ZBTB25: variants seen among roughly 807,000 people sequenced by gnomAD.
ZBTB25 encodes the protein zinc finger and BTB domain-containing protein 25.
ZBTB25 carries 20 observed loss-of-function variants against 34.2 expected under a neutral mutation model. The ratio of observed to expected loss-of-function variants is 0.58; its 90% confidence interval spans 0.41 to 0.85. The LOEUF (loss-of-function observed/expected upper bound fraction) is 0.85. ZBTB25 is among the 40% of genes least tolerant of loss of function. The probability of loss-of-function intolerance (pLI) is 0.00; values close to 1 mark genes in which losing one functional copy is unlikely to be tolerated. For missense variants in ZBTB25, 437 were observed against 521.8 expected (o/e 0.84, Z 1.58); for synonymous variants, 175 against 186.4 (o/e 0.94, Z 0.50).
At chr14:64,458,074 G>A in intron 2 of ZBTB25, 2 of 753,990 alleles carry the variant, frequency 2.7e-6, no homozygotes, top group Non-Finnish European at 2.4e-6. Flanking sequence ...ATTTCCTGTA[G>A]AGATGGGGGT....
chr14:64,504,825 G>A (rs1052907668), upstream of ZBTB25: 1 of 391,240 alleles, frequency 2.6e-6, no homozygotes, highest in Non-Finnish European at 4.5e-6. Flanking sequence ...CAGCCCGAGC[G>A]CCGAGCGCCG....
rs2078741968 is a variant in ZBTB25, at chr14:64,478,575, G to C, written c.*8348C>G. The C allele has an allele frequency of 6.6e-6, 1 of 152,160 alleles. No homozygotes were observed. The highest frequency in any genetic ancestry group is 1.5e-5 in the Non-Finnish European group (1 of 68,030). 9.4% of individuals were successfully genotyped at this position (152,160 alleles called of 1,614,324 possible). A position where few individuals can be genotyped will look rare whatever the true frequency, so the allele number is the denominator to read the frequency against. On this transcript the variant is annotated 3_prime_UTR_variant, in exon 3 of 3. Coordinates refer to ENST00000608382, the MANE Select transcript of ZBTB25 (RefSeq NM_006977.5). ...CTGATTAAAAGAGCCCAAATTCCAA[G>C]GCCTCACAGTTAATGGCTTGGAAAA...
intron 2 of ZBTB25, chr14:64,472,876 T>C (rs2078689163): frequency 6.0e-6 from 1 of 167,068 alleles, no homozygotes; most frequent in African/African-American, 2.4e-5. Context: ...TTTAACAACA[T>C]TAAAATAATT....
chr14:64,489,540 CTTTTTT>C (rs372078564), intron 2 of ZBTB25, among the ~76,000 whole-genome samples: 6 of 142,532 alleles, frequency 4.2e-5, no homozygotes, highest in African/African-American at 1.5e-4. Context: ...TTTCCTTTTT[CTTTTTT>C]TTTTTTTGAG....
At chr14:64,502,763 A>C in intron 1 of ZBTB25, 1 of 971,414 alleles carries the variant, frequency 1.0e-6, no homozygotes, top group Non-Finnish European at 1.2e-6. Flanking sequence ...CTTAGCTATC[A>C]AGAGGTGTAG....
At chr14:64,457,374 A>C (rs560050955) in intron 2 of ZBTB25, among the ~76,000 whole-genome samples, 3 of 152,234 alleles carry the variant, frequency 2.0e-5, no homozygotes, top group Admixed American at 2.0e-4. Flanking sequence ...ACCTCCTGCT[A>C]CTGCTTGTGA....
At chr14:64,502,217 A>G (rs543265046) in intron 1 of ZBTB25, among the ~76,000 whole-genome samples, 1 of 152,332 alleles carries the variant, frequency 6.6e-6, no homozygotes, top group African/African-American at 2.4e-5. Context: ...CTACATGCAA[A>G]TAAGACATTC....
At chr14:64,498,926 G>T (rs971397453) in intron 1 of ZBTB25, among the ~76,000 whole-genome samples, 1 of 152,066 alleles carries the variant, frequency 6.6e-6, no homozygotes, top group Non-Finnish European at 1.5e-5. Context: ...GAGCCACCGC[G>T]CCCAGCCCAG....
In ZBTB25 at chr14:64,500,307, G is replaced by A. The variant is rs891746937; in HGVS notation, c.-8+3354C>T. 2.0e-5 allele frequency among the ~76,000 whole-genome samples: 3 copies of A among 151,624 alleles called. No homozygotes were observed. In the East Asian group the frequency reaches 5.8e-4, roughly 29 times the overall value. On this transcript the variant is annotated intron_variant, in intron 1 of 2. Coordinates refer to ENST00000608382, the MANE Select transcript of ZBTB25 (RefSeq NM_006977.5). Reference sequence around the variant, plus strand: ...CTCCCATGAACACACTACTCAAGTGGGCTAATAAAAACCTTTGCTTAAAGT... The same window carrying A: ...CTCCCATGAACACACTACTCAAGTGAGCTAATAAAAACCTTTGCTTAAAGT...
chr14:64,492,046 A>C (rs2079098196), intron 1 of ZBTB25, among the ~76,000 whole-genome samples: 1 of 146,708 alleles, frequency 6.8e-6, no homozygotes, highest in Admixed American at 7.0e-5. Context: ...TTAGCCAGGA[A>C]GATTGAGGCT....
chr14:64,454,741 A>G lies in ZBTB25; in HGVS notation c.174-5103T>C, dbSNP rs746400551. 45 of 1,613,808 alleles carry G rather than the reference A, an allele frequency of 2.8e-5. No individual in the cohort carries two copies. Among genetic ancestry groups the G allele is most frequent in the Non-Finnish European group, 3.2e-5 (38 of 1,179,838 alleles). ...TCCCCAGGGCTTTGGGAATCTCCCC[A>G]TCTGCATGGCTAAAACACACTTGTC... is the stretch of plus-strand genomic sequence containing the variant. On this transcript the variant is annotated intron_variant, in intron 2 of 2. Transcript: ENST00000555220.
At chr14:64,474,759 C>T (rs1270046741), downstream of ZBTB25, among the ~76,000 whole-genome samples, 1 of 152,216 alleles carries the variant, frequency 6.6e-6, no homozygotes, top group Non-Finnish European at 1.5e-5. Flanking sequence ...TTGACAAAAG[C>T]ACACTGTTTT....
downstream of ZBTB25, among the ~76,000 whole-genome samples, chr14:64,475,256 G>A (rs1161538760): frequency 6.6e-6 from 1 of 152,062 alleles, no homozygotes; most frequent in Non-Finnish European, 1.5e-5. Context: ...TGGCTAACAT[G>A]GTGAAACCCC....
chr14:64,454,902 G>A, intron 2 of ZBTB25: 3 of 1,612,344 alleles, frequency 1.9e-6, no homozygotes, highest in South Asian at 1.1e-5. Flanking sequence ...AGGGAGTAGT[G>A]GGCGCATCTG....
At position 64,485,040 on chromosome 14, in the gene ZBTB25, C is replaced by T; in HGVS notation, c.*1883G>A. Reference sequence around the variant, plus strand: ...CACACATCAGTCTTAACCATAGGAGCCTTTACTCACTTGTTTAAGGCAGAA... The same window carrying T: ...CACACATCAGTCTTAACCATAGGAGTCTTTACTCACTTGTTTAAGGCAGAA... On this transcript the variant is annotated 3_prime_UTR_variant, in exon 3 of 3. Coordinates refer to ENST00000608382, the MANE Select transcript of ZBTB25 (RefSeq NM_006977.5). 4.1e-6 allele frequency: 4 copies of T among 985,436 alleles called. No individual in the cohort carries two copies. Among genetic ancestry groups the T allele is most frequent in the Non-Finnish European group, 4.8e-6 (4 of 829,928 alleles). 61.0% of individuals were successfully genotyped at this position (985,436 alleles called of 1,614,324 possible).
In ZBTB25 at chr14:64,480,838, C is replaced by T. The variant is rs995350841; in HGVS notation, c.*6085G>A. On this transcript the variant is annotated 3_prime_UTR_variant, in exon 3 of 3. Transcript: ENST00000608382. ...TTGTGTTTTACTAGAGACAGGGTTT[C>T]ACCATGTTGTCCAGGATGGTCTCGA... The T allele has an allele frequency of 6.6e-6, 1 of 152,214 alleles. No individual in the cohort carries two copies. Among genetic ancestry groups the T allele is most frequent in the African/African-American group, 2.4e-5 (1 of 41,400 alleles). 9.4% of individuals were successfully genotyped at this position (152,214 alleles called of 1,614,324 possible). A position where few individuals can be genotyped will look rare whatever the true frequency, so the allele number is the denominator to read the frequency against.
downstream of ZBTB25, among the ~76,000 whole-genome samples, chr14:64,477,688 T>G (rs1434970046): frequency 6.6e-6 from 1 of 152,240 alleles, no homozygotes; most frequent in East Asian, 1.9e-4. Context: ...TTCCTCCCTA[T>G]ATGGTAGTTA....
chr14:64,501,965 T>C (rs114600965), intron 1 of ZBTB25, among the ~76,000 whole-genome samples: 13 of 152,344 alleles, frequency 8.5e-5, no homozygotes, highest in African/African-American at 3.1e-4. Context: ...GAGCAAGATA[T>C]AATGCAAAAC....
chr14:64,489,790 TC>T (rs1166418965), intron 2 of ZBTB25, among the ~76,000 whole-genome samples: 1 of 151,660 alleles, frequency 6.6e-6, no homozygotes, highest in Non-Finnish European at 1.5e-5. Flanking sequence ...CACCTTGGCC[TC>T]CCAAAGTGCT....
Sources: gnomAD v4.1 joint callset for allele counts (sites outside exome capture counted in the v4.1 genomes callset) on GRCh38, gnomAD v4.1.1 for gene constraint, MANE v1.5 for transcripts, NCBI Gene and HGNC (gene_info 2026-07-23, HGNC 2026-07-21) for gene names.